Variants in APP observed in about 807,000 individuals in gnomAD.
The protein encoded by APP is amyloid-beta precursor protein.
APP carries 31 observed loss-of-function variants against 101.4 expected under a neutral mutation model. That is an observed-to-expected ratio of 0.31 (90% confidence interval 0.23 to 0.41). The LOEUF is 0.41. Ranked by LOEUF, APP falls within the 10% of genes least tolerant of loss-of-function variation. The pLI is 1.00. For synonymous variants in APP, 366 were observed against 364.4 expected (o/e 1.00, Z -0.05); for missense variants, 839 against 1,003.7 (o/e 0.84, Z 2.22).
intron 2 of APP, among the ~76,000 whole-genome samples, chr21:26,094,554 T>C (rs2061898889): frequency 6.7e-6 from 1 of 149,930 alleles, no homozygotes; most frequent in Admixed American, 6.7e-5. Context: ...TTTACATAGA[T>C]ATAAAAATAT....
At chr21:25,925,518 C>T (rs2039851162) in intron 13 of APP, among the ~76,000 whole-genome samples, 1 of 152,118 alleles carries the variant, frequency 6.6e-6, no homozygotes, top group Non-Finnish European at 1.5e-5. Flanking sequence ...TAATGTGATC[C>T]CCAGGTGACT....
At chr21:25,986,635 G>A (rs1443547542) in intron 8 of APP, among the ~76,000 whole-genome samples, 1 of 152,192 alleles carries the variant, frequency 6.6e-6, no homozygotes, top group African/African-American at 2.4e-5. Flanking sequence ...GGGAGGCGGA[G>A]GTTGCGGTGA....
intron 1 of APP, among the ~76,000 whole-genome samples, chr21:26,125,186 AG>A (rs1482982141): frequency 1.3e-5 from 2 of 152,230 alleles, no homozygotes; most frequent in East Asian, 3.8e-4. Flanking sequence ...AAACGTGTGA[AG>A]TCACTGGGAG....
intron 8 of APP, among the ~76,000 whole-genome samples, chr21:25,985,825 T>A (rs539470925): frequency 2.0e-4 from 30 of 152,228 alleles, no homozygotes; most frequent in African/African-American, 7.2e-4. Context: ...TTTCAGCCAT[T>A]CATACAAACT....
At chr21:25,961,730 A>C (rs907455942) in intron 11 of APP, among the ~76,000 whole-genome samples, 2 of 152,228 alleles carry the variant, frequency 1.3e-5, no homozygotes, top group Admixed American at 1.3e-4. Context: ...ACCTTCATAC[A>C]GGAATGGTAG....
intron 7 of APP, among the ~76,000 whole-genome samples, chr21:25,998,712 G>A (rs1462884260): frequency 6.6e-6 from 1 of 152,092 alleles, no homozygotes; most frequent in Admixed American, 6.6e-5. Flanking sequence ...CAGTTATTGA[G>A]TTTCATTTTT....
chr21:25,975,586 A>C (rs2042195772), intron 10 of APP, among the ~76,000 whole-genome samples: 1 of 152,190 alleles, frequency 6.6e-6, no homozygotes, highest in Admixed American at 6.5e-5. Context: ...TGACCATAAT[A>C]AACTGTTGGT....
chr21:25,911,660 A>G, intron 14 of APP, 81 bp downstream of exon 14: 2 of 1,287,632 alleles, frequency 1.6e-6, no homozygotes, highest in Non-Finnish European at 2.2e-6. Context: ...CATACAAAAG[A>G]TAACTCTCTC....
chr21:26,149,723 C>G (rs1380188951), intron 1 of APP, among the ~76,000 whole-genome samples: 1 of 152,196 alleles, frequency 6.6e-6, no homozygotes, highest in Admixed American at 6.5e-5. Context: ...ATGAAATCAT[C>G]TTGATTAAAA....
At position 25,897,597 on chromosome 21, in the gene APP, T is replaced by C; in HGVS notation, c.2040A>G (p.Gly680=). ...KMDAEFRHDS[G]YEVHHQKLVF... ...CCAATTTTTGATGATGAACTTCATA[T>C]CCTGAGTCATGTCGGAATTCTGCAT... is the stretch of plus-strand genomic sequence containing the variant. Residue 680 remains glycine, a synonymous_variant, in exon 16 of 18, where the codon GGA becomes GGG. Transcript: ENST00000346798. 6.2e-7 allele frequency: 1 copy of C among 1,613,876 alleles called. No homozygotes were observed. The highest frequency in any genetic ancestry group is 8.5e-7 in the Non-Finnish European group (1 of 1,179,758).
intron 15 of APP, among the ~76,000 whole-genome samples, chr21:25,900,096 A>G (rs1233271454): frequency 6.6e-6 from 1 of 152,084 alleles, no homozygotes; most frequent in Non-Finnish European, 1.5e-5. Flanking sequence ...AACCTTTCTG[A>G]CACTTATTTT....
At chr21:26,012,815 A>T (rs1211987314) in intron 6 of APP, among the ~76,000 whole-genome samples, 5 of 151,922 alleles carry the variant, frequency 3.3e-5, no homozygotes, top group African/African-American at 9.7e-5. Context: ...TCTACCAAAA[A>T]TACAAAAATT....
intron 1 of APP, among the ~76,000 whole-genome samples, chr21:26,170,186 G>A (rs1392371331): frequency 6.6e-6 from 1 of 152,184 alleles, no homozygotes; most frequent in Non-Finnish European, 1.5e-5. Context: ...CTGCGTTTTC[G>A]GTTTTCCCCA....
intron 15 of APP, among the ~76,000 whole-genome samples, chr21:25,903,067 A>C (rs1229815232): frequency 8.3e-6 from 1 of 121,140 alleles, no homozygotes; most frequent in Non-Finnish European, 1.7e-5. Flanking sequence ...GATTAAAAAA[A>C]ATTTTTTTTA....
intron 13 of APP, among the ~76,000 whole-genome samples, chr21:25,949,591 C>G (rs958065433): frequency 1.2e-4 from 19 of 152,166 alleles, no homozygotes; most frequent in African/African-American, 4.1e-4. Context: ...ATCCTGGGGA[C>G]TGGCTTCAAC....
chr21:26,091,118 G>C (rs1198017422), intron 2 of APP, among the ~76,000 whole-genome samples: 1 of 152,190 alleles, frequency 6.6e-6, no homozygotes. Flanking sequence ...ACCTTGCATT[G>C]CAACAGGGTG....
intron 17 of APP, among the ~76,000 whole-genome samples, chr21:25,887,481 A>G (rs2037401077): frequency 6.7e-6 from 1 of 150,082 alleles, no homozygotes; most frequent in Admixed American, 6.6e-5. Flanking sequence ...CCTTATGGCT[A>G]AGTAAATTCA....
At chr21:25,971,894 T>A (rs1037525150) in intron 11 of APP, among the ~76,000 whole-genome samples, 1 of 152,172 alleles carries the variant, frequency 6.6e-6, no homozygotes, top group Non-Finnish European at 1.5e-5. Context: ...AGGATCAAAC[T>A]GTTTCCAAGT....
At chr21:26,162,354 C>T (rs889540200) in intron 1 of APP, among the ~76,000 whole-genome samples, 6 of 152,152 alleles carry the variant, frequency 3.9e-5, no homozygotes, top group Non-Finnish European at 8.8e-5. Flanking sequence ...TATCAATATG[C>T]TTTTGAAAAT....
Sources: allele counts gnomAD v4.1 joint callset (sites outside exome capture counted in the v4.1 genomes callset), GRCh38; gene constraint gnomAD v4.1.1; transcripts MANE v1.5; gene names NCBI Gene and HGNC (gene_info 2026-07-23, HGNC 2026-07-21).